Variants in RIC1 observed in about 807,000 individuals in gnomAD.
RIC1 encodes guanine nucleotide exchange factor subunit RIC1.
In RIC1, 88 loss-of-function variants were observed where a neutral mutation model predicts 169.0. The observed-to-expected ratio is 0.52, with a 90% CI of 0.44 to 0.62. RIC1 has a LOEUF of 0.62. Among genes scored for constraint, RIC1 ranks in the 20% least tolerant of loss-of-function variants. The pLI is 0.00. For synonymous variants in RIC1, 790 were observed against 601.5 expected, an observed-to-expected ratio of 1.31 and a Z score of -4.59; for missense variants, 1,877 against 1,725.5, an observed-to-expected ratio of 1.09 and a Z score of -1.56.
At chr9:5,639,002 A>C (rs1002785876) in intron 1 of RIC1, among the ~76,000 whole-genome samples, 1 of 151,970 alleles carries the variant, frequency 6.6e-6, no homozygotes, top group Non-Finnish European at 1.5e-5. Context: ...TGTAGCCTCA[A>C]CCTCCCAAGT....
intron 2 of RIC1, among the ~76,000 whole-genome samples, chr9:5,668,126 G>A (rs1383544675): frequency 6.6e-6 from 1 of 152,140 alleles, no homozygotes; most frequent in Admixed American, 6.5e-5. Context: ...AGGGAGAAAA[G>A]CCACCTATTA....
At chr9:5,715,814 C>G (rs531488593) in intron 4 of RIC1, among the ~76,000 whole-genome samples, 1 of 133,266 alleles carries the variant, frequency 7.5e-6, no homozygotes, top group East Asian at 2.7e-4. Flanking sequence ...CCCCTCCCAT[C>G]CCCTTCCCTA....
chr9:5,742,459 C>G (rs1443459828), intron 8 of RIC1, among the ~76,000 whole-genome samples: 1 of 151,994 alleles, frequency 6.6e-6, no homozygotes, highest in African/African-American at 2.4e-5. Flanking sequence ...TTGCTCCTTA[C>G]GTTTTTTTAA....
intron 17 of RIC1, among the ~76,000 whole-genome samples, chr9:5,760,412 A>C (rs1260917022): frequency 6.6e-6 from 1 of 152,238 alleles, no homozygotes; most frequent in Non-Finnish European, 1.5e-5. Flanking sequence ...AGAAAAGAGA[A>C]GTGTACTTTT....
At chr9:5,747,060 C>G (rs1563946199) in intron 11 of RIC1, among the ~76,000 whole-genome samples, 1 of 152,148 alleles carries the variant, frequency 6.6e-6, no homozygotes, top group Admixed American at 6.6e-5. Context: ...GTCTACTCAC[C>G]TTTGAGAACA....
chr9:5,694,756 T>A (rs1311125124), intron 3 of RIC1, among the ~76,000 whole-genome samples: 2 of 151,026 alleles, frequency 1.3e-5, no homozygotes. Context: ...TGTCTCAATG[T>A]GTGATAATAT....
At chr9:5,727,084 A>T (rs1230410730) in intron 6 of RIC1, among the ~76,000 whole-genome samples, 2 of 151,936 alleles carry the variant, frequency 1.3e-5, no homozygotes, top group African/African-American at 2.4e-5. Context: ...GTATTTCCTG[A>T]ATTTGAATGT....
intron 10 of RIC1, among the ~76,000 whole-genome samples, chr9:5,745,214 A>G (rs971492302): frequency 2.0e-5 from 3 of 152,138 alleles, no homozygotes; most frequent in Admixed American, 6.6e-5. Context: ...ATCATAGGAA[A>G]ACATAAAAGT....
intron 2 of RIC1, among the ~76,000 whole-genome samples, chr9:5,684,828 G>C (rs931557080): frequency 6.6e-6 from 1 of 152,064 alleles, no homozygotes; most frequent in African/African-American, 2.4e-5. Flanking sequence ...TCCAGATATG[G>C]AAGTTTCCCA....
chr9:5,741,228 A>G (rs1409971123), intron 8 of RIC1, among the ~76,000 whole-genome samples: 1 of 152,078 alleles, frequency 6.6e-6, no homozygotes, highest in Non-Finnish European at 1.5e-5. Context: ...TTTTCAATAG[A>G]TTGGTCTTTA....
At chr9:5,693,462 G>T (rs997279928) in intron 3 of RIC1, among the ~76,000 whole-genome samples, 2 of 152,086 alleles carry the variant, frequency 1.3e-5, no homozygotes, top group Admixed American at 1.3e-4. Context: ...CTTATTAAGT[G>T]ACTCTGTACC....
chr9:5,725,066 C>T (rs752837073), intron 6 of RIC1, among the ~76,000 whole-genome samples: 6 of 152,158 alleles, frequency 3.9e-5, no homozygotes, highest in African/African-American at 7.2e-5. Flanking sequence ...ATGATGCAGG[C>T]CTCATAAAAT....
At chr9:5,769,875 A>G (rs1348142925) in intron 22 of RIC1, among the ~76,000 whole-genome samples, 1 of 152,222 alleles carries the variant, frequency 6.6e-6, no homozygotes, top group Non-Finnish European at 1.5e-5. Context: ...ATAGGATGAT[A>G]TAACTTTTAG....
intron 3 of RIC1, among the ~76,000 whole-genome samples, chr9:5,696,193 C>T (rs1362368272): frequency 6.6e-6 from 1 of 152,064 alleles, no homozygotes. Flanking sequence ...TATTCACTAA[C>T]TCATTTCTCT....
At chr9:5,659,556 T>TA (rs879577546) in intron 2 of RIC1, among the ~76,000 whole-genome samples, 1 of 152,134 alleles carries the variant, frequency 6.6e-6, no homozygotes, top group Non-Finnish European at 1.5e-5. Context: ...TCTATTTCTG[T>TA]AAAAAATACC....
At chr9:5,727,580 T>A (rs2130903031) in intron 6 of RIC1, among the ~76,000 whole-genome samples, 1 of 152,354 alleles carries the variant, frequency 6.6e-6, no homozygotes, top group South Asian at 2.1e-4. Flanking sequence ...TTTGTTCCAT[T>A]GCTGGCAAGG....
intron 2 of RIC1, among the ~76,000 whole-genome samples, chr9:5,675,169 A>T (rs1269746221): frequency 6.6e-6 from 1 of 152,136 alleles, no homozygotes; most frequent in Non-Finnish European, 1.5e-5. Context: ...GCACAGGCTA[A>T]ACTAATTCCG....
At chr9:5,653,500 G>A (rs1789299565) in intron 1 of RIC1, among the ~76,000 whole-genome samples, 1 of 152,212 alleles carries the variant, frequency 6.6e-6, no homozygotes, top group African/African-American at 2.4e-5. Context: ...TATTAAATCT[G>A]TATATCAAGT....
chr9:5,673,325 G>A (rs1820222133), intron 2 of RIC1, among the ~76,000 whole-genome samples: 1 of 151,470 alleles, frequency 6.6e-6, no homozygotes, highest in African/African-American at 2.4e-5. Context: ...GGAAACAAAT[G>A]GAAATTAAAA....
Sources: gnomAD v4.1 joint callset for allele counts (sites outside exome capture counted in the v4.1 genomes callset) on GRCh38, gnomAD v4.1.1 for gene constraint, MANE v1.5 for transcripts, NCBI Gene and HGNC (gene_info 2026-07-23, HGNC 2026-07-21) for gene names.